CNTNAP2: variants seen among roughly 807,000 people sequenced by gnomAD.
The protein encoded by CNTNAP2 is contactin associated protein 2.
A neutral mutation model predicts 155.2 loss-of-function variants in CNTNAP2; 98 were observed. That is an observed-to-expected ratio of 0.63 (90% CI 0.54 to 0.75). The LOEUF (loss-of-function observed/expected upper bound fraction) is 0.75, where lower values mean the gene tolerates loss of function less well. Among genes scored for constraint, CNTNAP2 ranks in the 30% least tolerant of loss-of-function variants. CNTNAP2 has a pLI of 0.00. For synonymous variants in CNTNAP2, 651 were observed against 631.2 expected (o/e 1.03, Z -0.47); for missense variants, 1,727 against 1,688.1 (o/e 1.02, Z -0.40).
intron 13 of CNTNAP2, among the ~76,000 whole-genome samples, chr7:147,821,536 C>T (rs1297782787): frequency 6.6e-6 from 1 of 152,044 alleles, no homozygotes; most frequent in Non-Finnish European, 1.5e-5. Context: ...ATAACATAAA[C>T]ATGACAGAAA....
chr7:147,677,909 G>T (rs1363673531), intron 13 of CNTNAP2, among the ~76,000 whole-genome samples: 1 of 151,540 alleles, frequency 6.6e-6, no homozygotes, highest in Non-Finnish European at 1.5e-5. Flanking sequence ...GTGATGTTTT[G>T]GTTACTATAG....
chr7:146,907,779 G>C (rs1181954013), intron 3 of CNTNAP2, among the ~76,000 whole-genome samples: 2 of 149,894 alleles, frequency 1.3e-5, no homozygotes, highest in East Asian at 3.9e-4. Flanking sequence ...CATAATGACA[G>C]GATCAAATTC....
At chr7:147,369,873 G>A (rs550182363) in intron 9 of CNTNAP2, among the ~76,000 whole-genome samples, 9 of 152,180 alleles carry the variant, frequency 5.9e-5, no homozygotes, top group Non-Finnish European at 1.3e-4. Flanking sequence ...ATAACAAATC[G>A]AATTCATACT....
chr7:146,306,673 T>C (rs960989421), intron 1 of CNTNAP2, among the ~76,000 whole-genome samples: 2 of 152,074 alleles, frequency 1.3e-5, no homozygotes, highest in African/African-American at 4.8e-5. Flanking sequence ...CAAGGCTGGT[T>C]CAACATACAC....
At chr7:147,378,055 T>C (rs1168522027) in intron 9 of CNTNAP2, 1 of 467,058 alleles carries the variant, frequency 2.1e-6, no homozygotes, top group East Asian at 7.0e-5. Flanking sequence ...GTAATTACAG[T>C]TTTTGTCATT....
At chr7:146,938,611 G>C (rs1183935663) in intron 3 of CNTNAP2, among the ~76,000 whole-genome samples, 1 of 151,840 alleles carries the variant, frequency 6.6e-6, no homozygotes, top group Non-Finnish European at 1.5e-5. Context: ...TAATTTAAAT[G>C]TTAGATTCTG....
At chr7:148,229,506 G>C in intron 19 of CNTNAP2, 140 bp from the exon 20 acceptor site, 2 of 1,159,730 alleles carry the variant, frequency 1.7e-6, no homozygotes, top group Non-Finnish European at 2.5e-6. Context: ...GCCTGGGCAA[G>C]AGCAAGACTC....
rs547116800 is a variant in CNTNAP2 at position 146,974,795 on chromosome 7, T to G, written c.403-69112T>G. 4.6e-5 allele frequency among the ~76,000 whole-genome samples: 7 copies of G among 152,144 alleles called. No homozygotes were observed. The East Asian group carries it at 1.4e-3, about 30-fold the overall frequency. On this transcript the variant is annotated intron_variant, in intron 3 of 23. Transcript: ENST00000361727. ...GGGTGGATAACTTGAACTCAGTGGT[T>G]TGAGACCAGCCTGGCCAACATGGTG...
At chr7:146,696,404 T>C (rs1309959916) in intron 1 of CNTNAP2, among the ~76,000 whole-genome samples, 2 of 152,182 alleles carry the variant, frequency 1.3e-5, no homozygotes, top group East Asian at 1.9e-4. Context: ...GTGATTTGTA[T>C]GTTTTCTCTG....
At chr7:147,801,781 C>G (rs920090415) in intron 13 of CNTNAP2, among the ~76,000 whole-genome samples, 1 of 152,216 alleles carries the variant, frequency 6.6e-6, no homozygotes, top group East Asian at 1.9e-4. Context: ...CCCTTCCCCC[C>G]TTTCCATTCC....
intron 3 of CNTNAP2, among the ~76,000 whole-genome samples, chr7:146,857,386 C>T (rs1795011589): frequency 6.6e-6 from 1 of 152,102 alleles, no homozygotes; most frequent in African/African-American, 2.4e-5. Flanking sequence ...CCCTGAAAAT[C>T]CAGCATTAGA....
chr7:146,652,684 A>G (rs911475161), intron 1 of CNTNAP2, among the ~76,000 whole-genome samples: 1 of 152,194 alleles, frequency 6.6e-6, no homozygotes, highest in Admixed American at 6.6e-5. Flanking sequence ...TTGAACTTCA[A>G]GAAGTAGTAG....
At chr7:148,207,744 G>A (rs1457492044) in intron 18 of CNTNAP2, among the ~76,000 whole-genome samples, 1 of 152,090 alleles carries the variant, frequency 6.6e-6, no homozygotes, top group Non-Finnish European at 1.5e-5. Context: ...ATGTAAGGCG[G>A]GTCACTGAAA....
At chr7:146,268,441 T>C (rs554543326) in intron 1 of CNTNAP2, among the ~76,000 whole-genome samples, 1 of 152,306 alleles carries the variant, frequency 6.6e-6, no homozygotes, top group African/African-American at 2.4e-5. Context: ...TAAATCTTCA[T>C]GTTGCAAAGG....
At chr7:148,238,179 T>C (rs1289868603) in intron 20 of CNTNAP2, among the ~76,000 whole-genome samples, 1 of 152,076 alleles carries the variant, frequency 6.6e-6, no homozygotes, top group African/African-American at 2.4e-5. Context: ...TGAAACCCCA[T>C]CTCTACTAAA....
intron 1 of CNTNAP2, among the ~76,000 whole-genome samples, chr7:146,459,065 G>T (rs562731265): frequency 1.3e-5 from 2 of 152,210 alleles, no homozygotes; most frequent in African/African-American, 4.8e-5. Flanking sequence ...AAGGCAACAA[G>T]ATTATATTTC....
chr7:147,494,680 C>T (rs1230487908), intron 11 of CNTNAP2, among the ~76,000 whole-genome samples: 19 of 152,040 alleles, frequency 1.2e-4, no homozygotes, highest in Admixed American at 1.2e-3. Flanking sequence ...GAATAGAAAA[C>T]ACCCATTTTA....
Position 148,331,940 on chromosome 7 carries a change from C to T in CNTNAP2, c.3476-51709C>T, listed in dbSNP as rs1450308918. Among the ~76,000 whole-genome samples, 7 of 152,252 alleles carry T rather than the reference C, an allele frequency of 4.6e-5. No homozygotes were observed. The South Asian group carries it at 6.2e-4, about 14-fold the overall frequency. On this transcript the variant is annotated intron_variant, in intron 21 of 23. Coordinates refer to ENST00000361727, the MANE Select transcript of CNTNAP2 (RefSeq NM_014141.6). ...AAAATGGAGCTGCCTGCCTGCCTCA[C>T]GAGCACCTTTCACCATTTTGATCAC...
At chr7:146,753,782 T>G (rs530913743) in intron 1 of CNTNAP2, among the ~76,000 whole-genome samples, 1 of 152,086 alleles carries the variant, frequency 6.6e-6, no homozygotes, top group South Asian at 2.1e-4. Flanking sequence ...TTTTCTCAGC[T>G]GTCTGTTTGC....
Sources: allele counts gnomAD v4.1 joint callset (sites outside exome capture counted in the v4.1 genomes callset), GRCh38; gene constraint gnomAD v4.1.1; transcripts MANE v1.5; gene names NCBI Gene and HGNC (gene_info 2026-07-23, HGNC 2026-07-21).